HMOX2: variants seen among roughly 807,000 people sequenced by gnomAD.
The protein encoded by HMOX2 is heme oxygenase 2.
Under a neutral mutation model 33.7 loss-of-function variants are expected in HMOX2, and 30 were observed. That is an observed-to-expected ratio of 0.89 (90% confidence interval 0.67 to 1.21). The LOEUF (loss-of-function observed/expected upper bound fraction) is 1.21. Ranked by LOEUF, HMOX2 falls within the 50% of genes most tolerant of loss-of-function variation. The probability of loss-of-function intolerance (pLI) is 0.00; values close to 1 mark genes in which losing one functional copy is unlikely to be tolerated. For missense variants in HMOX2, 403 were observed against 399.1 expected, an observed-to-expected ratio of 1.01 and a Z score of -0.08; for synonymous variants, 155 against 155.0, an observed-to-expected ratio of 1.00 and a Z score of 0.00.
chr16:4,509,372 G>A, intron 4 of HMOX2, 40 bp from the exon 5 acceptor site: 1 of 1,585,864 alleles, frequency 6.3e-7, no homozygotes, highest in Non-Finnish European at 8.5e-7. Context: ...AAAAGTATGG[G>A]CAGCCCAAAG....
At chr16:4,486,185 A>G (rs370286047) in intron 1 of HMOX2, among the ~76,000 whole-genome samples, 3 of 152,232 alleles carry the variant, frequency 2.0e-5, no homozygotes, top group Non-Finnish European at 4.4e-5. Context: ...TGTGTCTTCA[A>G]ACACAAATTG....
At chr16:4,484,460 C>CTTTTT (rs58092240) in intron 1 of HMOX2, among the ~76,000 whole-genome samples, 98 of 118,156 alleles carry the variant, frequency 8.3e-4, no homozygotes, top group East Asian at 1.8e-3. Context: ...CTTTTCTTTT[C>CTTTTT]TTTTTTTTTT....
intron 1 of HMOX2, among the ~76,000 whole-genome samples, chr16:4,484,085 C>T (rs894197462): frequency 1.5e-4 from 22 of 151,444 alleles, no homozygotes; most frequent in African/African-American, 5.4e-4. Context: ...CGCCATTCTC[C>T]TGCCTCAGCC....
At chr16:4,491,217 C>A (rs1257763167) in intron 1 of HMOX2, among the ~76,000 whole-genome samples, 1 of 152,106 alleles carries the variant, frequency 6.6e-6, no homozygotes, top group Non-Finnish European at 1.5e-5. Context: ...ATAAGTCGCT[C>A]TAAAGAAACA....
intron 1 of HMOX2, among the ~76,000 whole-genome samples, chr16:4,497,562 C>T (rs572989259): frequency 6.6e-6 from 1 of 152,206 alleles, no homozygotes; most frequent in African/African-American, 2.4e-5. Flanking sequence ...CAGGACTCAT[C>T]ATTGTCCCAA....
intron 1 of HMOX2, among the ~76,000 whole-genome samples, chr16:4,494,191 C>CT (rs2058366178): frequency 6.6e-6 from 1 of 151,910 alleles, no homozygotes; most frequent in South Asian, 2.1e-4. Context: ...TGGTGGGCGC[C>CT]TGTAGTCTCA....
rs17886279 is a variant in HMOX2 at position 4,485,245 on chromosome 16, G to A, written c.-42+8758G>A. 2.8e-3 allele frequency among the ~76,000 whole-genome samples: 421 copies of A among 152,180 alleles called. 3 individuals carry two copies. Among genetic ancestry groups the A allele is most frequent in the African/African-American group, 9.6e-3 (397 of 41,516 alleles). On this transcript the variant is annotated intron_variant, in intron 1 of 5. Transcript: ENST00000570646. The stretch of plus-strand genomic sequence containing the variant: ...CGTCCCAAAGTGCTATGATTACAGG[G>A]GTGAGCCACCATGTCAGGCCTTTTT...
At chr16:4,486,645 T>G (rs2141538747) in intron 1 of HMOX2, among the ~76,000 whole-genome samples, 1 of 152,258 alleles carries the variant, frequency 6.6e-6, no homozygotes, top group South Asian at 2.1e-4. Context: ...TCTGGGCAGG[T>G]CAGGTCTGGG....
chr16:4,490,148 T>A (rs1179400880), intron 1 of HMOX2, among the ~76,000 whole-genome samples: 1 of 152,184 alleles, frequency 6.6e-6, no homozygotes, highest in Admixed American at 6.5e-5. Context: ...CACAAAAGGC[T>A]TACTTAGGTA....
intron 1 of HMOX2, among the ~76,000 whole-genome samples, chr16:4,499,652 T>C (rs1457814716): frequency 6.6e-6 from 1 of 152,160 alleles, no homozygotes; most frequent in Non-Finnish European, 1.5e-5. Flanking sequence ...ACTTCAAAAT[T>C]GGTAAAAGAG....
chr16:4,498,189 C>T (rs1441835543), intron 1 of HMOX2, among the ~76,000 whole-genome samples: 1 of 151,442 alleles, frequency 6.6e-6, no homozygotes, highest in Non-Finnish European at 1.5e-5. Context: ...CTCAGCCTCC[C>T]AAGTATTTGG....
At chr16:4,485,972 C>T (rs1013674052) in intron 1 of HMOX2, among the ~76,000 whole-genome samples, 1 of 152,200 alleles carries the variant, frequency 6.6e-6, no homozygotes, top group Non-Finnish European at 1.5e-5. Context: ...GATCCACCCA[C>T]CTCAGCCTCC....
intron 1 of HMOX2, among the ~76,000 whole-genome samples, chr16:4,493,713 A>G: frequency 6.6e-6 from 1 of 152,194 alleles, no homozygotes; most frequent in African/African-American, 2.4e-5. Context: ...TCTAGAGATC[A>G]TTGTAAAATC....
At chr16:4,479,724 C>CTTTTTTTTT (rs1567377353) in intron 1 of HMOX2, among the ~76,000 whole-genome samples, 1 of 93,892 alleles carries the variant, frequency 1.1e-5, no homozygotes, top group Admixed American at 1.2e-4. Flanking sequence ...TTTTCTTATT[C>CTTTTTTTTT]TATTTTTTTT....
intron 1 of HMOX2, among the ~76,000 whole-genome samples, chr16:4,492,382 T>C (rs2058326137): frequency 6.6e-6 from 1 of 151,902 alleles, no homozygotes; most frequent in African/African-American, 2.4e-5. Context: ...TCACAGACTT[T>C]GAGTTGAGGT....
intron 1 of HMOX2, among the ~76,000 whole-genome samples, chr16:4,486,484 G>A (rs1314106452): frequency 6.6e-6 from 1 of 152,234 alleles, no homozygotes; most frequent in Non-Finnish European, 1.5e-5. Flanking sequence ...TACAGGGTTA[G>A]AGCTCAGTAC....
At chr16:4,500,454 G>A (rs1449199168) in intron 1 of HMOX2, among the ~76,000 whole-genome samples, 4 of 152,062 alleles carry the variant, frequency 2.6e-5, no homozygotes, top group Non-Finnish European at 5.9e-5. Context: ...CTATTTCATT[G>A]AGTCAGAAGC....
rs1315641682 is a variant in HMOX2, at chr16:4,509,683, A to G, written c.878A>G (p.Lys293Arg). ...PFRTAMAVLR[K>R]PSLQFILAAG... ...CGAACAGCTATGGCTGTGCTGAGGAAGCCCAGCCTCCAGTTCATCCTGGCC... is the reference window on the plus strand; with the variant it reads ...CGAACAGCTATGGCTGTGCTGAGGAGGCCCAGCCTCCAGTTCATCCTGGCC... The change falls in exon 6 of 6, where the codon AAG (lysine) becomes AGG (arginine). Residue 293 changes from lysine (K) to arginine (R), a missense_variant. Lys to Arg is a conservative substitution (Grantham distance 26, BLOSUM62 2). Transcript: ENST00000570646. 1.2e-6 allele frequency: 2 copies of G among 1,614,042 alleles called. No homozygotes were observed. The highest frequency in any genetic ancestry group is 1.3e-5 in the African/African-American group (1 of 75,030).
chr16:4,494,933 G>A (rs2058384354), intron 1 of HMOX2, among the ~76,000 whole-genome samples: 1 of 152,112 alleles, frequency 6.6e-6, no homozygotes. Flanking sequence ...AGCACTTTGG[G>A]AGGCCAAAGT....
Sources: gnomAD v4.1 joint callset for allele counts (sites outside exome capture counted in the v4.1 genomes callset) on GRCh38, gnomAD v4.1.1 for gene constraint, MANE v1.5 for transcripts, NCBI Gene and HGNC (gene_info 2026-07-23, HGNC 2026-07-21) for gene names.